The following CYRIB variants were observed in gnomAD, a reference collection of about 807,000 sequenced individuals.
CYRIB encodes the protein CYFIP related Rac1 interactor B, also known as CYFIP-related Rac1 interactor B.
A neutral mutation model predicts 44.2 loss-of-function variants in CYRIB; 8 were observed. The ratio of observed to expected loss-of-function variants is 0.18; its 90% CI spans 0.11 to 0.33. CYRIB has a LOEUF of 0.33. CYRIB is among the 10% of genes least tolerant of loss of function. The pLI, the probability that CYRIB is intolerant of heterozygous loss-of-function variation, is 1.00. For synonymous variants in CYRIB, 131 were observed against 127.2 expected (o/e 1.03, Z -0.20); for missense variants, 185 against 382.8 (o/e 0.48, Z 4.31).
At chr8:129,846,620 T>A (rs1049302446) in intron 11 of CYRIB, among the ~76,000 whole-genome samples, 184 bp downstream of exon 13, 2 of 152,230 alleles carry the variant, frequency 1.3e-5, no homozygotes, top group African/African-American at 4.8e-5. Flanking sequence ...ACATTCCTCA[T>A]CATAAAATAC....
intron 10 of CYRIB, 107 bp downstream of exon 12, chr8:129,849,136 T>C: frequency 9.5e-7 from 1 of 1,054,054 alleles, no homozygotes; most frequent in Non-Finnish European, 1.3e-6. Context: ...AAACTATAAA[T>C]CTGAGTTTTG....
At chr8:129,922,532 C>G (rs1380986261) in intron 1 of CYRIB, among the ~76,000 whole-genome samples, 1 of 151,918 alleles carries the variant, frequency 6.6e-6, no homozygotes, top group South Asian at 2.1e-4. Context: ...AGTAGAACAC[C>G]CAGAAAAAAA....
intron 2 of CYRIB, among the ~76,000 whole-genome samples, chr8:129,950,075 T>C (rs2094423735): frequency 1.3e-5 from 2 of 152,174 alleles, no homozygotes; most frequent in Admixed American, 1.3e-4. Flanking sequence ...TTTGGTAAAC[T>C]CTTAAATAAA....
chr8:129,913,133 G>A (rs1033406978), intron 1 of CYRIB, among the ~76,000 whole-genome samples: 2 of 151,816 alleles, frequency 1.3e-5, no homozygotes, highest in Admixed American at 6.6e-5. Context: ...CACCACGCCC[G>A]GCTAATTTTT....
chr8:129,987,127 C>A (rs1203011283), intron 1 of CYRIB, among the ~76,000 whole-genome samples: 1 of 152,208 alleles, frequency 6.6e-6, no homozygotes, highest in African/African-American at 2.4e-5. Context: ...AAGCTGATGG[C>A]CTCTTGCCAT....
chr8:129,926,483 T>C (rs1192505277), intron 1 of CYRIB, among the ~76,000 whole-genome samples: 1 of 152,168 alleles, frequency 6.6e-6, no homozygotes, highest in Non-Finnish European at 1.5e-5. Flanking sequence ...TTTTAAATAG[T>C]GTAATCTACA....
At chr8:129,980,405 G>A (rs1267246880) in intron 1 of CYRIB, among the ~76,000 whole-genome samples, 1 of 152,154 alleles carries the variant, frequency 6.6e-6, no homozygotes, top group Non-Finnish European at 1.5e-5. Context: ...TGATGCTTTA[G>A]GCCAATCATC....
chr8:129,864,939 G>A, intron 4 of CYRIB: 1 of 254,128 alleles, frequency 3.9e-6, no homozygotes, highest in Non-Finnish European at 7.9e-6. Flanking sequence ...GTGATGCGTG[G>A]GCTGACATCT....
At chr8:129,947,381 G>C (rs2094222117) in intron 2 of CYRIB, among the ~76,000 whole-genome samples, 1 of 151,922 alleles carries the variant, frequency 6.6e-6, no homozygotes, top group South Asian at 2.1e-4. Flanking sequence ...TACATTTTTA[G>C]CTTAAAAATG....
intron 2 of CYRIB, among the ~76,000 whole-genome samples, chr8:129,969,990 T>C (rs2095627459): frequency 6.6e-6 from 1 of 152,204 alleles, no homozygotes; most frequent in South Asian, 2.1e-4. Context: ...TGAATCTATG[T>C]TGACAGACGT....
intron 1 of CYRIB, among the ~76,000 whole-genome samples, chr8:129,925,995 A>C (rs1347140936): frequency 6.6e-6 from 1 of 152,240 alleles, no homozygotes; most frequent in Non-Finnish European, 1.5e-5. Context: ...ACCTTTTACA[A>C]CAACAGATGG....
intron 1 of CYRIB, among the ~76,000 whole-genome samples, chr8:129,998,502 G>A (rs919012815): frequency 3.3e-5 from 5 of 152,130 alleles, no homozygotes; most frequent in African/African-American, 7.2e-5. Context: ...GACAATAATG[G>A]GACAGGAACC....
intron 2 of CYRIB, chr8:129,948,106 A>C (rs184366897): frequency 6.6e-6 from 1 of 152,370 alleles, no homozygotes; most frequent in East Asian, 1.9e-4. Context: ...AGTCCTCGTC[A>C]ACTAGAGAAG....
At chr8:129,846,335 T>C (rs1005776372) in intron 11 of CYRIB, among the ~76,000 whole-genome samples, 2 of 152,224 alleles carry the variant, frequency 1.3e-5, no homozygotes, top group African/African-American at 4.8e-5. Context: ...TTGTAAGATA[T>C]TATTTTGTAA....
chr8:129,854,083 A>G (rs1308908813), intron 7 of CYRIB, among the ~76,000 whole-genome samples, 183 bp downstream of exon 9: 2 of 152,246 alleles, frequency 1.3e-5, no homozygotes, highest in African/African-American at 4.8e-5. Flanking sequence ...ACTGTGAAGA[A>G]AAACAGGTAA....
intron 1 of CYRIB, among the ~76,000 whole-genome samples, chr8:130,012,953 G>A (rs959880235): frequency 1.3e-4 from 20 of 152,118 alleles, no homozygotes; most frequent in Admixed American, 2.0e-4. Flanking sequence ...ATTACAAGGC[G>A]TCCGTCTTCA....
chr8:129,850,572 G>C, intron 9 of CYRIB: 1 of 443,248 alleles, frequency 2.3e-6, no homozygotes, highest in South Asian at 2.8e-5. Context: ...CTTCTGTTCT[G>C]AGAAGAGAAC....
intron 1 of CYRIB, among the ~76,000 whole-genome samples, chr8:130,014,476 C>T (rs375531285): frequency 2.6e-5 from 4 of 152,130 alleles, no homozygotes; most frequent in South Asian, 2.1e-4. Flanking sequence ...AACTGCAGCA[C>T]GCTGCTGCAC....
At chr8:129,999,398 A>C (rs2096857197) in intron 1 of CYRIB, among the ~76,000 whole-genome samples, 1 of 152,254 alleles carries the variant, frequency 6.6e-6, no homozygotes, top group African/African-American at 2.4e-5. Flanking sequence ...CCAGGAACAC[A>C]GAGTGAGCAA....
Sources: gnomAD v4.1 joint callset for allele counts (sites outside exome capture counted in the v4.1 genomes callset) on GRCh38, gnomAD v4.1.1 for gene constraint, MANE v1.5 for transcripts, NCBI Gene and HGNC (gene_info 2026-07-23, HGNC 2026-07-21) for gene names.